Variants in FAAH2 observed in about 807,000 individuals in gnomAD.
FAAH2 encodes fatty acid amide hydrolase 2.
FAAH2 carries 60 observed loss-of-function variants against 36.9 expected under a neutral mutation model. The observed-to-expected ratio is 1.63, with a 90% confidence interval of 1.32 to 2.02. The LOEUF (loss-of-function observed/expected upper bound fraction) is 2.02. Among genes scored for constraint, FAAH2 ranks in the 30% most tolerant of loss-of-function variants. FAAH2 has a pLI of 0.00. For synonymous variants in FAAH2, 214 were observed against 143.8 expected (o/e 1.49, Z -3.49); for missense variants, 689 against 397.5 (o/e 1.73, Z -6.23).
the FAAH2 span, among the ~76,000 whole-genome samples, chrX:57,154,011 T>C: frequency 8.9e-6 from 1 of 112,262 alleles, no homozygotes; most frequent in East Asian, 2.8e-4. Context: ...TTAGGTTGAG[T>C]TGTTTAAGAT....
the FAAH2 span, among the ~76,000 whole-genome samples, chrX:57,216,606 ATACG>A: frequency 2.2e-4 from 17 of 77,269 alleles, no homozygotes; most frequent in African/African-American, 4.8e-4. Context: ...ATGTATATAT[ATACG>A]TATATATATA....
the FAAH2 span, among the ~76,000 whole-genome samples, chrX:57,165,755 C>T: frequency 9.0e-6 from 1 of 110,650 alleles, no homozygotes. Context: ...TCAAGCTGAG[C>T]ATGTATAATG....
chrX:57,383,978 A>G lies in FAAH2; in HGVS notation c.996+2949A>G, dbSNP rs185037221. Among the ~76,000 whole-genome samples the G allele has an allele frequency of 8.0e-5, 9 of 111,924 alleles. No homozygotes were observed. In the South Asian group the frequency reaches 1.5e-3, roughly 19 times the overall value. On this transcript the variant is annotated intron_variant, in intron 7 of 10. Coordinates refer to ENST00000374900, the MANE Select transcript of FAAH2 (RefSeq NM_174912.4). Reference sequence around the variant, plus strand: ...ATGGTACTGGTACCAAAACAGAGATATAGCCCAATGGAACAGAACAGAGCC... The same window carrying G: ...ATGGTACTGGTACCAAAACAGAGATGTAGCCCAATGGAACAGAACAGAGCC...
chrX:57,463,620 A>C (rs2056998551), intron 10 of FAAH2, among the ~76,000 whole-genome samples: 1 of 111,892 alleles, frequency 8.9e-6, no homozygotes, highest in African/African-American at 3.3e-5. Flanking sequence ...TTCTCAAAAA[A>C]AGACATTTAT....
chrX:57,246,656 C>A, the FAAH2 span, among the ~76,000 whole-genome samples: 2 of 111,936 alleles, frequency 1.8e-5, no homozygotes, highest in East Asian at 2.8e-4. Flanking sequence ...ATATATACAG[C>A]ATTGCATAAT....
chrX:57,331,684 G>C lies in FAAH2; in HGVS notation c.499G>C (p.Gly167Arg). The C allele has an allele frequency of 8.3e-7, 1 of 1,211,289 alleles. No homozygotes were observed. The highest frequency in any genetic ancestry group is 1.1e-6 in the Non-Finnish European group (1 of 895,107). ...TGTGGTGGCATTACTGAAGGGAGCT[G>C]GTGCCATTCCTCTTGGCATAACCAA... ...ATVVALLKGA[G>R]AIPLGITNCS... Residue 167 changes from glycine to arginine, a missense_variant, in exon 4 of 11, where the codon GGT becomes CGT. Physicochemically the swap from Gly to Arg is moderately radical, Grantham distance 125. Transcript: ENST00000374900.
At chrX:57,292,152 A>T (rs927015053) in intron 1 of FAAH2, among the ~76,000 whole-genome samples, 2 of 111,180 alleles carry the variant, frequency 1.8e-5, no homozygotes, top group Non-Finnish European at 3.8e-5. Flanking sequence ...AACAATATCT[A>T]TTTTTTTATT....
the FAAH2 span, among the ~76,000 whole-genome samples, chrX:57,232,725 T>A: frequency 2.7e-5 from 3 of 112,360 alleles, no homozygotes; most frequent in Non-Finnish European, 5.6e-5. Flanking sequence ...ATAAATGTCT[T>A]GTTTTCTTCT....
chrX:57,351,553 T>C (rs2053999530), intron 5 of FAAH2, among the ~76,000 whole-genome samples: 1 of 110,106 alleles, frequency 9.1e-6, no homozygotes, highest in Admixed American at 9.7e-5. Context: ...AATTTGAAGT[T>C]GGACAGATAA....
At chrX:57,367,998 A>C (rs975957844) in intron 5 of FAAH2, among the ~76,000 whole-genome samples, 7 of 111,561 alleles carry the variant, frequency 6.3e-5, no homozygotes, top group African/African-American at 2.0e-4. Flanking sequence ...TAACCACTTC[A>C]TGCCTCCATC....
At chrX:57,166,231 A>G in the FAAH2 span, among the ~76,000 whole-genome samples, 24 of 110,330 alleles carry the variant, frequency 2.2e-4, no homozygotes, top group Non-Finnish European at 4.0e-4. Flanking sequence ...GCTACCTTCA[A>G]TCAATAAAAC....
At chrX:57,462,181 A>AAC (rs1161748043) in intron 10 of FAAH2, among the ~76,000 whole-genome samples, 1 of 106,979 alleles carries the variant, frequency 9.3e-6, no homozygotes, top group East Asian at 2.9e-4. Context: ...AAAAAAAAAA[A>AAC]AAAAAACCCA....
the FAAH2 span, among the ~76,000 whole-genome samples, chrX:57,240,950 G>T: frequency 1.8e-5 from 2 of 112,079 alleles, no homozygotes; most frequent in African/African-American, 6.5e-5. Flanking sequence ...AGGACTGATA[G>T]TCAACAAAAT....
chrX:57,269,506 C>A, the FAAH2 span, among the ~76,000 whole-genome samples: 11 of 111,465 alleles, frequency 9.9e-5, no homozygotes, highest in Admixed American at 2.9e-4. Flanking sequence ...TTCAAGAGAA[C>A]TGAAATCATA....
the FAAH2 span, among the ~76,000 whole-genome samples, chrX:57,252,015 C>T: frequency 1.8e-5 from 2 of 112,549 alleles, no homozygotes; most frequent in African/African-American, 3.2e-5. Context: ...GTGCTTTTCC[C>T]ATGGTCTTCA....
At chrX:57,257,700 G>A in the FAAH2 span, among the ~76,000 whole-genome samples, 1 of 110,486 alleles carries the variant, frequency 9.1e-6, no homozygotes, top group African/African-American at 3.3e-5. Flanking sequence ...ATTAAAAAAA[G>A]AAAATAAAAT....
At chrX:57,423,229 G>T (rs1401268406) in intron 7 of FAAH2, among the ~76,000 whole-genome samples, 1 of 111,834 alleles carries the variant, frequency 8.9e-6, no homozygotes, top group Non-Finnish European at 1.9e-5. Context: ...ATCCAGAATG[G>T]GTGAAAGTCT....
intron 5 of FAAH2, among the ~76,000 whole-genome samples, chrX:57,368,080 G>T (rs2054462758): frequency 9.0e-6 from 1 of 110,621 alleles, no homozygotes; most frequent in African/African-American, 3.3e-5. Context: ...ACTATTATGG[G>T]TCACTCCCCT....
At chrX:57,385,921 T>A (rs866944437) in intron 7 of FAAH2, among the ~76,000 whole-genome samples, 3 of 66,094 alleles carry the variant, frequency 4.5e-5, no homozygotes, top group East Asian at 5.5e-4. Flanking sequence ...AAAAAAAAAA[T>A]AGCATAAGTG....
Sources: allele counts gnomAD v4.1 joint callset (sites outside exome capture counted in the v4.1 genomes callset), GRCh38; gene constraint gnomAD v4.1.1; transcripts MANE v1.5; gene names NCBI Gene and HGNC (gene_info 2026-07-23, HGNC 2026-07-21).